Variants in TBC1D20 observed in about 807,000 individuals in gnomAD.
TBC1D20 encodes TBC1 domain family member 20.
Under a neutral mutation model 41.6 loss-of-function variants are expected in TBC1D20, and 12 were observed. The observed-to-expected ratio is 0.29, with a 90% CI of 0.18 to 0.47. TBC1D20 has a LOEUF of 0.47. Among genes scored for constraint, TBC1D20 ranks in the 20% least tolerant of loss-of-function variants. TBC1D20 has a pLI of 1.00. For missense variants in TBC1D20, 421 were observed against 517.4 expected (o/e 0.81, Z 1.81); for synonymous variants, 205 against 204.8 (o/e 1.00, Z -0.01).
rs770207747 is a variant in TBC1D20 at position 442,086 on chromosome 20, C to A, written c.338-43G>T. ...GATGCCTTTGAACATACCAAGCAGC[C>A]TAGTTAACAAGGAGGTCGAAGAAGG... is the stretch of plus-strand genomic sequence containing the variant. On this transcript the variant is annotated intron_variant, in intron 3 of 7. Transcript: ENST00000354200. 4 of 1,507,334 alleles carry A rather than the reference C, an allele frequency of 2.7e-6. 1 individual carries two copies. In the South Asian group the frequency reaches 3.9e-5, roughly 15 times the overall value. The allele number at this position is 1,507,334 out of a possible 1,614,324, so 93.4% of individuals were successfully genotyped here.
chr20:451,041 G>T (rs1414167517), intron 1 of TBC1D20, among the ~76,000 whole-genome samples: 2 of 152,088 alleles, frequency 1.3e-5, no homozygotes, highest in East Asian at 3.8e-4. Context: ...TGTTACACAA[G>T]ACAACACCAA....
intron 1 of TBC1D20, among the ~76,000 whole-genome samples, chr20:451,950 G>C (rs1341805681): frequency 6.6e-6 from 1 of 152,126 alleles, no homozygotes; most frequent in Non-Finnish European, 1.5e-5. Flanking sequence ...TTTTGTTCCT[G>C]TTCATTTTTA....
At chr20:441,795 G>C in intron 4 of TBC1D20, 62 bp downstream of exon 4, 2 of 1,594,362 alleles carry the variant, frequency 1.3e-6, no homozygotes, top group Non-Finnish European at 8.6e-7. Context: ...ACAGGCCAGT[G>C]AGTTATCCCC....
At chr20:442,163 C>A (rs2122388008) in intron 3 of TBC1D20, 120 bp from the exon 4 acceptor site, 1 of 900,710 alleles carries the variant, frequency 1.1e-6, no homozygotes, top group South Asian at 1.9e-5. Flanking sequence ...AATAATTTGG[C>A]AACGCATATC....
intron 3 of TBC1D20, among the ~76,000 whole-genome samples, chr20:443,015 G>C: frequency 6.6e-6 from 1 of 152,104 alleles, no homozygotes; most frequent in Non-Finnish European, 1.5e-5. Flanking sequence ...CAGGAGAATG[G>C]CATGAACCCA....
In TBC1D20 at chr20:438,426, G is replaced by A. The variant is rs1220496698; in HGVS notation, c.*160C>T. The stretch of plus-strand genomic sequence containing the variant: ...CTGTGTCAGGTAGGCTCTGCTACTG[G>A]CCTCTGAAGTAAAGGCAAACACAAA... On this transcript the variant is annotated 3_prime_UTR_variant, in exon 8 of 8. Coordinates refer to ENST00000354200, the MANE Select transcript of TBC1D20 (RefSeq NM_144628.4). 2 of 798,780 alleles carry A rather than the reference G, an allele frequency of 2.5e-6. No homozygotes were observed. Among genetic ancestry groups the A allele is most frequent in the Non-Finnish European group, 3.9e-6 (2 of 509,118 alleles). 49.5% of individuals were successfully genotyped at this position (798,780 alleles called of 1,614,324 possible). A position where few individuals can be genotyped will look rare whatever the true frequency, so the allele number is the denominator to read the frequency against.
chr20:435,533 A>ACAGC lies in TBC1D20; in HGVS notation c.*3049_*3052dup, dbSNP rs1409345071. ...ATTAGAAAAGGATACAAATAAGTAA[A>ACAGC]CAGCCAGATGAAGATACACACAGGG... On this transcript the variant is annotated 3_prime_UTR_variant, in exon 8 of 8. Coordinates refer to ENST00000354200, the MANE Select transcript of TBC1D20 (RefSeq NM_144628.4). The ACAGC allele has an allele frequency of 1.3e-5, 2 of 153,676 alleles. No homozygotes were observed. The highest frequency in any genetic ancestry group is 4.8e-5 in the African/African-American group (2 of 41,458). The allele number at this position is 153,676 out of a possible 1,614,324, so 9.5% of individuals were successfully genotyped here. A position where few individuals can be genotyped will look rare whatever the true frequency, so the allele number is the denominator to read the frequency against.
intron 1 of TBC1D20, chr20:450,523 C>G (rs916478886): frequency 3.9e-5 from 6 of 152,142 alleles, no homozygotes; most frequent in African/African-American, 1.4e-4. Context: ...CCACCAGACA[C>G]TGCCACAGAG....
chr20:457,436 G>C (rs573105572), intron 1 of TBC1D20, among the ~76,000 whole-genome samples: 114 of 152,092 alleles, frequency 7.5e-4, no homozygotes, highest in African/African-American at 2.1e-3. Flanking sequence ...TGCCCAGACT[G>C]ATCTTGAACT....
At chr20:454,896 T>C (rs1408026184) in intron 1 of TBC1D20, among the ~76,000 whole-genome samples, 1 of 152,148 alleles carries the variant, frequency 6.6e-6, no homozygotes, top group Non-Finnish European at 1.5e-5. Flanking sequence ...GGTCTCGAAC[T>C]CCTGACCTGA....
intron 3 of TBC1D20, 47 bp downstream of exon 3, chr20:445,003 A>G: frequency 6.5e-7 from 1 of 1,534,934 alleles, no homozygotes; most frequent in South Asian, 1.2e-5. Context: ...ATGACCTGGA[A>G]CAGATACAGT....
intron 2 of TBC1D20, among the ~76,000 whole-genome samples, chr20:447,332 C>T (rs576395755): frequency 1.6e-4 from 25 of 151,858 alleles, no homozygotes; most frequent in African/African-American, 6.0e-4. Flanking sequence ...TTAATAAATT[C>T]ACTTGCCTAG....
intron 1 of TBC1D20, among the ~76,000 whole-genome samples, chr20:449,778 T>C (rs1244042215): frequency 6.6e-6 from 1 of 152,170 alleles, no homozygotes; most frequent in Non-Finnish European, 1.5e-5. Context: ...TACTAAATAT[T>C]AGCTCCCCTC....
Position 440,170 on chromosome 20 carries a change from A to G in TBC1D20, c.768+78T>C, listed in dbSNP as rs532724190. The stretch of plus-strand genomic sequence containing the variant: ...TCTTTTGCATCTTTCCATAATCCCC[A>G]GGTTTCCCTTCAGGGAAAATGACCA... On this transcript the variant is annotated intron_variant, in intron 6 of 7. Transcript: ENST00000354200. 38 of 1,529,598 alleles carry G rather than the reference A, an allele frequency of 2.5e-5. No individual in the cohort carries two copies. The East Asian group carries it at 9.1e-4, about 37-fold the overall frequency. The allele number at this position is 1,529,598 out of a possible 1,614,324, so 94.8% of individuals were successfully genotyped here.
chr20:438,306 A>C lies in TBC1D20; in HGVS notation c.*280T>G. On this transcript the variant is annotated 3_prime_UTR_variant, in exon 8 of 8. Transcript: ENST00000354200. ...GCAAAAGCAGCTGCAAGCTTCAGAA[A>C]CCCACTTCCTCCAACACCAGGGAGG... The C allele has an allele frequency of 2.3e-6, 1 of 443,996 alleles. No individual in the cohort carries two copies. The highest frequency in any genetic ancestry group is 3.2e-5 in the South Asian group (1 of 30,964). The allele number at this position is 443,996 out of a possible 1,614,324, so 27.5% of individuals were successfully genotyped here.
intron 1 of TBC1D20, among the ~76,000 whole-genome samples, chr20:455,481 G>A (rs887077017): frequency 3.9e-5 from 6 of 151,998 alleles, no homozygotes; most frequent in Non-Finnish European, 7.4e-5. Flanking sequence ...AGCCGGGTGT[G>A]GTGGTGCACG....
At chr20:441,540 GT>G in intron 5 of TBC1D20, 47 bp downstream of exon 5, 1 of 1,474,546 alleles carries the variant, frequency 6.8e-7, no homozygotes, top group Non-Finnish European at 9.5e-7. Flanking sequence ...GTGTGGGGGG[GT>G]GTGGGCGTGT....
intron 1 of TBC1D20, among the ~76,000 whole-genome samples, chr20:452,549 T>C (rs2017464304): frequency 6.6e-6 from 1 of 152,126 alleles, no homozygotes; most frequent in Non-Finnish European, 1.5e-5. Context: ...CCCAGGAGTA[T>C]AAGGCTGTGG....
At chr20:459,100 G>A (rs2017589167) in intron 1 of TBC1D20, among the ~76,000 whole-genome samples, 1 of 152,222 alleles carries the variant, frequency 6.6e-6, no homozygotes, top group Non-Finnish European at 1.5e-5. Flanking sequence ...ATGAATTACA[G>A]AGTGAGATCA....
Sources: allele counts gnomAD v4.1 joint callset (sites outside exome capture counted in the v4.1 genomes callset), GRCh38; gene constraint gnomAD v4.1.1; transcripts MANE v1.5; gene names NCBI Gene and HGNC (gene_info 2026-07-23, HGNC 2026-07-21).